The following MARCHF3 variants were observed in gnomAD, a reference collection of about 807,000 sequenced individuals.
MARCHF3 encodes membrane associated ring-CH-type finger 3.
Under a neutral mutation model 24.2 loss-of-function variants are expected in MARCHF3, and 13 were observed. The observed-to-expected ratio is 0.54, with a 90% CI of 0.35 to 0.85. MARCHF3 has a LOEUF of 0.85. Ranked by LOEUF, MARCHF3 falls within the 40% of genes least tolerant of loss-of-function variation. The probability of loss-of-function intolerance (pLI) is 0.01; values close to 1 mark genes in which losing one functional copy is unlikely to be tolerated. For missense variants in MARCHF3, 276 were observed against 325.0 expected (o/e 0.85, Z 1.16); for synonymous variants, 144 against 137.3 (o/e 1.05, Z -0.34).
chr5:126,981,388 C>G (rs971138763), intron 1 of MARCHF3, among the ~76,000 whole-genome samples: 2 of 152,180 alleles, frequency 1.3e-5, no homozygotes, highest in African/African-American at 4.8e-5. Context: ...TCTTGGCCTG[C>G]TTTTTGGACC....
chr5:126,871,366 A>G (rs1444473341), intron 4 of MARCHF3, among the ~76,000 whole-genome samples: 3 of 152,164 alleles, frequency 2.0e-5, no homozygotes, highest in African/African-American at 4.8e-5. Context: ...CCAGCATTCT[A>G]TAGCTTCCAA....
intron 1 of MARCHF3, among the ~76,000 whole-genome samples, chr5:126,975,323 GA>G (rs1237402091): frequency 1.3e-5 from 2 of 152,036 alleles, no homozygotes; most frequent in African/African-American, 4.8e-5. Flanking sequence ...ATATATAGTT[GA>G]AAAAAATTTT....
At chr5:126,981,265 C>G (rs1403865793) in intron 1 of MARCHF3, among the ~76,000 whole-genome samples, 2 of 152,226 alleles carry the variant, frequency 1.3e-5, no homozygotes, top group Non-Finnish European at 2.9e-5. Flanking sequence ...AATGGAACCT[C>G]TCCTAGTAGG....
chr5:126,987,238 G>A (rs1751596730), intron 1 of MARCHF3, among the ~76,000 whole-genome samples: 1 of 152,158 alleles, frequency 6.6e-6, no homozygotes, highest in African/African-American at 2.4e-5. Flanking sequence ...CAAACAAGAT[G>A]AATATGCCCT....
rs375758447 is a variant in MARCHF3, at chr5:127,000,672, G to C, written c.-57+29678C>G. Among the ~76,000 whole-genome samples the C allele has an allele frequency of 2.0e-5, 3 of 152,102 alleles. No individual in the cohort carries two copies. The East Asian group carries it at 5.8e-4, about 29-fold the overall frequency. ...AAGGTGGTGATCATTCATGACTCTT[G>C]AGTTTGCCCTTTTATTTTTATTTTT... On this transcript the variant is annotated intron_variant, in intron 1 of 4. Transcript: ENST00000308660.
At chr5:126,973,985 C>A (rs935302655) in intron 1 of MARCHF3, among the ~76,000 whole-genome samples, 1 of 149,914 alleles carries the variant, frequency 6.7e-6, no homozygotes, top group Non-Finnish European at 1.5e-5. Context: ...GCAAGCTCCA[C>A]TTCCCGGGTT....
At chr5:126,995,127 C>T (rs891278192) in intron 1 of MARCHF3, among the ~76,000 whole-genome samples, 4 of 152,218 alleles carry the variant, frequency 2.6e-5, no homozygotes, top group Non-Finnish European at 4.4e-5. Context: ...AACACCCTCA[C>T]AGACACACCC....
At chr5:126,981,312 G>A (rs1198940711) in intron 1 of MARCHF3, among the ~76,000 whole-genome samples, 2 of 152,182 alleles carry the variant, frequency 1.3e-5, no homozygotes, top group African/African-American at 4.8e-5. Flanking sequence ...GCAAGGCTGT[G>A]CAAAACATCG....
At chr5:126,896,160 A>G (rs138921319) in intron 3 of MARCHF3, among the ~76,000 whole-genome samples, 3,105 of 152,172 alleles carry the variant, frequency 0.02, 80 homozygotes, top group South Asian at 0.12. Context: ...GCCTCGCCCT[A>G]CTTCGGCTGG....
intron 1 of MARCHF3, among the ~76,000 whole-genome samples, chr5:126,964,818 T>C (rs1031360562): frequency 6.6e-6 from 1 of 152,094 alleles, no homozygotes; most frequent in African/African-American, 2.4e-5. Context: ...GACAACAACA[T>C]GGTGAGCCAG....
intron 3 of MARCHF3, among the ~76,000 whole-genome samples, chr5:126,884,917 T>A (rs1753458669): frequency 6.6e-6 from 1 of 152,224 alleles, no homozygotes; most frequent in African/African-American, 2.4e-5. Context: ...GTGGTCATAA[T>A]AAAGTCCAAA....
At chr5:126,899,723 A>T (rs575757647) in intron 3 of MARCHF3, among the ~76,000 whole-genome samples, 1 of 152,270 alleles carries the variant, frequency 6.6e-6, no homozygotes, top group Admixed American at 6.6e-5. Context: ...CCAGCACTTG[A>T]TCTGGCACAG....
chr5:126,914,956 C>G lies in MARCHF3; in HGVS notation c.367G>C (p.Glu123Gln). The change falls in exon 3 of 5, where the codon GAG becomes CAG. Residue 123 changes from glutamate to glutamine, a missense_variant. Transcript: ENST00000308660. ...CELCHFRFAVERKPRPLVEWL... is the reference protein window; with the variant it reads ...CELCHFRFAVQRKPRPLVEWL... ...TCCACTAACGGCCTGGGTTTGCGCT[C>G]GACTGCAAACCTGAAGTGGCAGAGT... 6.2e-7 allele frequency: 1 copy of G among 1,614,166 alleles called. No individual in the cohort carries two copies. The highest frequency in any genetic ancestry group is 8.5e-7 in the Non-Finnish European group (1 of 1,180,034).
At chr5:126,992,926 C>G (rs1580715115) in intron 1 of MARCHF3, among the ~76,000 whole-genome samples, 2 of 152,224 alleles carry the variant, frequency 1.3e-5, no homozygotes, top group East Asian at 3.9e-4. Flanking sequence ...CGCCAGCCAC[C>G]ATGCCTGGCT....
chr5:126,870,744 G>A lies in MARCHF3; in HGVS notation c.651C>T (p.Thr217=), dbSNP rs373006204. ...GAATGAGGAGAATCACCCTCTGATT[G>A]GTCCGACGCCACTCGTTGTACAATC... is the stretch of plus-strand genomic sequence containing the variant. ...HCRLYNEWRR[T]NQRVILLIPK... Residue 217 remains threonine (T), a synonymous_variant, in exon 5 of 5, where the codon ACC becomes ACT. Coordinates refer to ENST00000308660, the MANE Select transcript of MARCHF3 (RefSeq NM_178450.5). 1.2e-6 allele frequency: 2 copies of A among 1,614,192 alleles called. No homozygotes were observed. Among genetic ancestry groups the A allele is most frequent in the Admixed American group, 3.3e-5 (2 of 60,020 alleles).
intron 1 of MARCHF3, among the ~76,000 whole-genome samples, chr5:126,933,638 G>T (rs1380037787): frequency 6.6e-6 from 1 of 151,978 alleles, no homozygotes; most frequent in Non-Finnish European, 1.5e-5. Context: ...TAGAGACGGG[G>T]TTTCACCGTG....
chr5:126,892,217 A>C (rs1753717775), intron 3 of MARCHF3, among the ~76,000 whole-genome samples: 2 of 142,690 alleles, frequency 1.4e-5, no homozygotes, highest in South Asian at 2.4e-4. Context: ...CTAGATATAC[A>C]ATCATGTCGT....
chr5:127,005,367 G>T (rs1443211119), intron 1 of MARCHF3, among the ~76,000 whole-genome samples: 3 of 151,898 alleles, frequency 2.0e-5, no homozygotes, highest in East Asian at 3.9e-4. Context: ...AACTCCTGGT[G>T]TCAAGTGATC....
At chr5:126,969,759 C>A (rs1260549202) in intron 1 of MARCHF3, among the ~76,000 whole-genome samples, 2 of 152,172 alleles carry the variant, frequency 1.3e-5, no homozygotes, top group Non-Finnish European at 2.9e-5. Flanking sequence ...AGATTCCTGA[C>A]CCCCATCTGC....
Sources: gnomAD v4.1 joint callset for allele counts (sites outside exome capture counted in the v4.1 genomes callset) on GRCh38, gnomAD v4.1.1 for gene constraint, MANE v1.5 for transcripts, NCBI Gene and HGNC (gene_info 2026-07-23, HGNC 2026-07-21) for gene names.